Variants in CLVS1 observed in about 807,000 individuals in gnomAD.
CLVS1 encodes clavesin 1, also known as clavesin-1.
A neutral mutation model predicts 33.1 loss-of-function variants in CLVS1; 10 were observed. The ratio of observed to expected loss-of-function variants is 0.30; its 90% confidence interval spans 0.19 to 0.51. The LOEUF is 0.51. Ranked by LOEUF, CLVS1 falls within the 20% of genes least tolerant of loss-of-function variation. The pLI, the probability that CLVS1 is intolerant of heterozygous loss-of-function variation, is 0.97. For missense variants in CLVS1, 343 were observed against 433.4 expected, an observed-to-expected ratio of 0.79 and a Z score of 1.85; for synonymous variants, 163 against 166.1, an observed-to-expected ratio of 0.98 and a Z score of 0.14.
chr8:61,214,688 G>T (rs1239054469), intron 2 of CLVS1, among the ~76,000 whole-genome samples: 2 of 152,184 alleles, frequency 1.3e-5, no homozygotes, highest in Admixed American at 1.3e-4. Context: ...ATTTGTTATG[G>T]CAGCCTTAGC....
chr8:61,488,254 G>A (rs919193523), intron 5 of CLVS1, among the ~76,000 whole-genome samples: 1 of 152,228 alleles, frequency 6.6e-6, no homozygotes, highest in South Asian at 2.1e-4. Context: ...AAACCTATAC[G>A]CATAGAATTT....
intron 1 of CLVS1, among the ~76,000 whole-genome samples, chr8:61,110,717 C>A (rs376561175): frequency 3.2e-4 from 49 of 152,274 alleles, no homozygotes; most frequent in African/African-American, 9.1e-4. Context: ...TCCCCTACCC[C>A]CTGGCAACCA....
At chr8:61,497,712 G>A (rs987870057) in intron 5 of CLVS1, among the ~76,000 whole-genome samples, 1 of 152,178 alleles carries the variant, frequency 6.6e-6, no homozygotes, top group African/African-American at 2.4e-5. Flanking sequence ...AGAGTAAAGT[G>A]AAAGCAAGTT....
chr8:61,063,242 C>CAGG (rs953791585), intron 1 of CLVS1, among the ~76,000 whole-genome samples: 5 of 134,888 alleles, frequency 3.7e-5, no homozygotes, highest in Non-Finnish European at 7.6e-5. Context: ...ATGATCTACA[C>CAGG]AGGAGAAAGT....
At chr8:61,008,455 G>C in the CLVS1 span, among the ~76,000 whole-genome samples, 1 of 148,830 alleles carries the variant, frequency 6.7e-6, no homozygotes, top group Non-Finnish European at 1.5e-5. Context: ...AGTAAGAATT[G>C]GGGATTTACT....
rs1806892864 is a variant in CLVS1 at position 61,167,302 on chromosome 8, C to T, written c.-152+35442C>T. 1.3e-5 allele frequency among the ~76,000 whole-genome samples: 2 copies of T among 149,762 alleles called. 1 individual carries two copies. Among genetic ancestry groups the T allele is most frequent in the South Asian group, 4.2e-4 (2 of 4,796 alleles). On this transcript the variant is annotated intron_variant, in intron 2 of 2. Coordinates refer to the CLVS1 transcript ENST00000522621. ...CTTCGCCTCCCGAGTTCAAGCCATT[C>T]TCCTGCCTCAGCCTCCAGAGTAGGT... is the stretch of plus-strand genomic sequence containing the variant.
intron 1 of CLVS1, among the ~76,000 whole-genome samples, chr8:61,070,509 C>T (rs1804773321): frequency 6.6e-6 from 1 of 152,240 alleles, no homozygotes; most frequent in South Asian, 2.1e-4. Flanking sequence ...TCCCATCTTC[C>T]ACCCCTCTTC....
chr8:61,018,864 T>C, the CLVS1 span, among the ~76,000 whole-genome samples: 415 of 152,348 alleles, frequency 2.7e-3, 4 homozygotes, highest in African/African-American at 9.7e-3. Flanking sequence ...GAAAGAAAGT[T>C]AGTCAAGAGC....
chr8:61,450,515 A>G (rs1422364525), intron 3 of CLVS1, among the ~76,000 whole-genome samples: 2 of 152,228 alleles, frequency 1.3e-5, no homozygotes, highest in African/African-American at 4.8e-5. Flanking sequence ...ACTAAAGTAC[A>G]CTTTAAAGAA....
intron 3 of CLVS1, among the ~76,000 whole-genome samples, chr8:61,450,908 G>A (rs1816926922): frequency 6.6e-6 from 1 of 152,204 alleles, no homozygotes; most frequent in Admixed American, 6.5e-5. Flanking sequence ...CCAGGCATGA[G>A]TTTGACCTTT....
At chr8:61,265,873 A>C (rs1396045925) in intron 2 of CLVS1, among the ~76,000 whole-genome samples, 3 of 152,072 alleles carry the variant, frequency 2.0e-5, no homozygotes, top group Non-Finnish European at 4.4e-5. Flanking sequence ...GCTCCTGTGC[A>C]CCAATTATTT....
chr8:60,976,984 C>G, the CLVS1 span, among the ~76,000 whole-genome samples: 1 of 152,246 alleles, frequency 6.6e-6, no homozygotes, highest in Non-Finnish European at 1.5e-5. Flanking sequence ...GAGACAGGAT[C>G]TATTCCCTAC....
At chr8:61,446,015 A>G (rs560222925) in intron 3 of CLVS1, among the ~76,000 whole-genome samples, 1 of 152,244 alleles carries the variant, frequency 6.6e-6, no homozygotes, top group Non-Finnish European at 1.5e-5. Flanking sequence ...GCCCTATTTC[A>G]TTCCTAATGT....
chr8:61,026,047 C>A, the CLVS1 span, among the ~76,000 whole-genome samples: 917 of 151,964 alleles, frequency 6.0e-3, 11 homozygotes, highest in African/African-American at 0.021. Context: ...CCTGCTACCC[C>A]TCCAATTCAC....
At chr8:61,493,617 C>T (rs1804172716) in intron 5 of CLVS1, among the ~76,000 whole-genome samples, 3 of 152,118 alleles carry the variant, frequency 2.0e-5, no homozygotes, top group Admixed American at 6.6e-5. Flanking sequence ...TTCCTTGATA[C>T]TTAAAGTTAT....
At chr8:61,064,346 C>T (rs192934619) in intron 1 of CLVS1, among the ~76,000 whole-genome samples, 1 of 152,246 alleles carries the variant, frequency 6.6e-6, no homozygotes, top group Admixed American at 6.5e-5. Flanking sequence ...CAATGAAGTA[C>T]GAGGATTCCA....
At chr8:61,178,848 A>G (rs541052790) in intron 2 of CLVS1, among the ~76,000 whole-genome samples, 1 of 152,226 alleles carries the variant, frequency 6.6e-6, no homozygotes, top group Non-Finnish European at 1.5e-5. Flanking sequence ...GAAAAAAATC[A>G]CTAAATATGG....
the CLVS1 span, among the ~76,000 whole-genome samples, chr8:61,013,548 A>T: frequency 6.6e-6 from 1 of 152,140 alleles, no homozygotes; most frequent in Non-Finnish European, 1.5e-5. Context: ...ACAAATTCAA[A>T]CCCTGATTTT....
At position 61,107,227 on chromosome 8, in the gene CLVS1, G is replaced by A. The variant is rs1050191900; in HGVS notation, c.-242-24543G>A. On this transcript the variant is annotated intron_variant, in intron 1 of 2. Transcript: ENST00000522621. ...ATCTAAAGGCTGGACAAGAACTCAT[G>A]TCTGAAATCTTCCTTCTCACTGCCA... Among the ~76,000 whole-genome samples the A allele has an allele frequency of 2.0e-5, 3 of 152,330 alleles. No individual in the cohort carries two copies. The East Asian group carries it at 5.8e-4, about 29-fold the overall frequency.
Sources: gnomAD v4.1 joint callset for allele counts (sites outside exome capture counted in the v4.1 genomes callset) on GRCh38, gnomAD v4.1.1 for gene constraint, MANE v1.5 for transcripts, NCBI Gene and HGNC (gene_info 2026-07-23, HGNC 2026-07-21) for gene names.